GLT1D1: variants seen among roughly 807,000 people sequenced by gnomAD.
The protein encoded by GLT1D1 is glycosyltransferase 1 domain-containing protein 1.
GLT1D1 carries 21 observed loss-of-function variants against 28.7 expected under a neutral mutation model. The ratio of observed to expected loss-of-function variants is 0.73; its 90% CI spans 0.52 to 1.05. GLT1D1 has a LOEUF of 1.05. GLT1D1 is among the 50% of genes least tolerant of loss of function. The pLI is 0.00. For synonymous variants in GLT1D1, 147 were observed against 124.8 expected, an observed-to-expected ratio of 1.18 and a Z score of -1.19; for missense variants, 343 against 330.6, an observed-to-expected ratio of 1.04 and a Z score of -0.29.
At chr12:128,974,105 C>A in intron 7 of GLT1D1, among the ~76,000 whole-genome samples, 1 of 151,778 alleles carries the variant, frequency 6.6e-6, no homozygotes, top group Non-Finnish European at 1.5e-5. Flanking sequence ...TTGATCTGTG[C>A]GTGTGGAGGG....
chr12:128,969,284 T>A (rs1185222922), intron 7 of GLT1D1, among the ~76,000 whole-genome samples: 3 of 152,012 alleles, frequency 2.0e-5, no homozygotes, highest in Non-Finnish European at 4.4e-5. Flanking sequence ...TCTCTCACTC[T>A]CTCTCTCTCT....
rs184089302 is a variant in GLT1D1, at chr12:128,866,290, C to G, written c.69-9624C>G. Reference sequence around the variant, plus strand: ...TTCACCATGTTAGCCAGGATGCTCTCGATCTCCTGACCTCGTGATCCACCC... The same window carrying G: ...TTCACCATGTTAGCCAGGATGCTCTGGATCTCCTGACCTCGTGATCCACCC... On this transcript the variant is annotated intron_variant, in intron 1 of 7. Coordinates refer to ENST00000281703, the MANE Select transcript of GLT1D1 (RefSeq NM_144669.3). Among the ~76,000 whole-genome samples the G allele has an allele frequency of 2.5e-4, 38 of 149,720 alleles. No homozygotes were observed. The East Asian group carries it at 6.7e-3, about 27-fold the overall frequency.
intron 7 of GLT1D1, among the ~76,000 whole-genome samples, chr12:128,959,414 G>GC (rs63511862): frequency 5.5e-4 from 20 of 36,510 alleles, no homozygotes; most frequent in East Asian, 5.1e-3. Context: ...GAGGCAGTGG[G>GC]GGGGGACGGG....
chr12:128,893,570 T>C lies in GLT1D1; in HGVS notation c.323+4826T>C, dbSNP rs544396559. Among the ~76,000 whole-genome samples, 3 of 152,242 alleles carry C rather than the reference T, an allele frequency of 2.0e-5. No homozygotes were observed. In the East Asian group the frequency reaches 5.8e-4, roughly 29 times the overall value. On this transcript the variant is annotated intron_variant, in intron 3 of 7. Transcript: ENST00000281703. ...TATATTTTTCATAAGAAATGTGGTT[T>C]TTTAATTTAATTGAATTTTATTGTT...
intron 7 of GLT1D1, among the ~76,000 whole-genome samples, chr12:128,977,536 C>G (rs960642843): frequency 6.6e-6 from 1 of 152,058 alleles, no homozygotes; most frequent in Non-Finnish European, 1.5e-5. Flanking sequence ...ATTTAGACCT[C>G]TCTTGGAAAA....
chr12:128,854,738 C>G (rs1291174130), intron 1 of GLT1D1, among the ~76,000 whole-genome samples: 1 of 152,110 alleles, frequency 6.6e-6, no homozygotes, highest in East Asian at 1.9e-4. Context: ...CTCAGGTGAT[C>G]CGCCTGCCTC....
chr12:128,963,277 T>C (rs1878145404), intron 7 of GLT1D1, among the ~76,000 whole-genome samples: 2 of 152,084 alleles, frequency 1.3e-5, no homozygotes, highest in Non-Finnish European at 2.9e-5. Flanking sequence ...GAGGGCCTGC[T>C]GTGGGTTTGG....
At chr12:128,872,448 T>C (rs1956714507) in intron 1 of GLT1D1, among the ~76,000 whole-genome samples, 1 of 152,124 alleles carries the variant, frequency 6.6e-6, no homozygotes, top group South Asian at 2.1e-4. Flanking sequence ...TGGAAGGAGC[T>C]GGCACTAGGA....
intron 1 of GLT1D1, among the ~76,000 whole-genome samples, chr12:128,873,064 T>C (rs1956739401): frequency 6.6e-6 from 1 of 152,038 alleles, no homozygotes; most frequent in South Asian, 2.1e-4. Context: ...CCAGGTAATT[T>C]TTTAAATTTT....
intron 4 of GLT1D1, among the ~76,000 whole-genome samples, chr12:128,915,657 C>T (rs1357414051): frequency 1.3e-5 from 2 of 152,090 alleles, no homozygotes; most frequent in Non-Finnish European, 2.9e-5. Context: ...GCCACTGGGC[C>T]TGGCCAAAAA....
chr12:128,911,580 C>T (rs1871537336), intron 4 of GLT1D1, among the ~76,000 whole-genome samples: 1 of 152,120 alleles, frequency 6.6e-6, no homozygotes, highest in African/African-American at 2.4e-5. Flanking sequence ...ACTCTTTCAC[C>T]AAAATGACGG....
At chr12:128,936,420 C>A (rs1313925264) in intron 4 of GLT1D1, among the ~76,000 whole-genome samples, 1 of 152,210 alleles carries the variant, frequency 6.6e-6, no homozygotes, top group Admixed American at 6.5e-5. Flanking sequence ...TCCCAAAGTG[C>A]TGGGATGACA....
intron 1 of GLT1D1, among the ~76,000 whole-genome samples, chr12:128,868,160 C>T (rs1361694120): frequency 6.6e-6 from 1 of 152,218 alleles, no homozygotes; most frequent in African/African-American, 2.4e-5. Context: ...ATCTCCGTCT[C>T]CTGCATCTGC....
intron 4 of GLT1D1, among the ~76,000 whole-genome samples, chr12:128,920,561 A>C (rs146537087): frequency 1.3e-5 from 2 of 152,294 alleles, no homozygotes; most frequent in Admixed American, 6.5e-5. Context: ...TCTCAAAAAA[A>C]AGAAAGAAAG....
intron 1 of GLT1D1, among the ~76,000 whole-genome samples, chr12:128,870,788 T>C (rs1033132112): frequency 6.6e-6 from 1 of 152,092 alleles, no homozygotes; most frequent in Non-Finnish European, 1.5e-5. Flanking sequence ...GGTTGGGAGT[T>C]CGAGACCAGC....
intron 1 of GLT1D1, chr12:128,864,129 G>C: frequency 1.5e-6 from 1 of 677,726 alleles, no homozygotes; most frequent in South Asian, 1.6e-5. Context: ...CTCGGCTGGG[G>C]CAGGAGAGTC....
intron 3 of GLT1D1, among the ~76,000 whole-genome samples, chr12:128,896,313 G>GT (rs1468077512): frequency 6.6e-6 from 1 of 152,212 alleles, no homozygotes; most frequent in African/African-American, 2.4e-5. Flanking sequence ...TTGAAAGATT[G>GT]TAAGTCCTGA....
At chr12:128,863,945 CAAAAAAA>C (rs35052910) in intron 1 of GLT1D1, among the ~76,000 whole-genome samples, 31 of 56,164 alleles carry the variant, frequency 5.5e-4, no homozygotes, top group Admixed American at 2.2e-3. Flanking sequence ...GACTCCATCT[CAAAAAAA>C]AAAAAAAAAA....
chr12:128,913,080 T>C (rs1871713430), intron 4 of GLT1D1, among the ~76,000 whole-genome samples: 1 of 152,206 alleles, frequency 6.6e-6, no homozygotes, highest in African/African-American at 2.4e-5. Context: ...CCAAACCAAA[T>C]GCGGAGCTTC....
Sources: allele counts gnomAD v4.1 joint callset (sites outside exome capture counted in the v4.1 genomes callset), GRCh38; gene constraint gnomAD v4.1.1; transcripts MANE v1.5; gene names NCBI Gene and HGNC (gene_info 2026-07-23, HGNC 2026-07-21).